ADAT1: variants seen among roughly 807,000 people sequenced by gnomAD.
The protein encoded by ADAT1 is adenosine deaminase tRNA specific 1.
Under a neutral mutation model 58.6 loss-of-function variants are expected in ADAT1, and 58 were observed. The observed-to-expected ratio is 0.99, with a 90% confidence interval of 0.80 to 1.23. The LOEUF (loss-of-function observed/expected upper bound fraction) is 1.23. Ranked by LOEUF, ADAT1 falls within the 50% of genes most tolerant of loss-of-function variation. The pLI is 0.00. For synonymous variants in ADAT1, 254 were observed against 220.8 expected, an observed-to-expected ratio of 1.15 and a Z score of -1.33; for missense variants, 741 against 608.6, an observed-to-expected ratio of 1.22 and a Z score of -2.29.
At chr16:75,607,632 G>A (rs1254214300) in intron 8 of ADAT1, among the ~76,000 whole-genome samples, 3 of 152,146 alleles carry the variant, frequency 2.0e-5, no homozygotes, top group African/African-American at 4.8e-5. Context: ...TTGGTAGAAC[G>A]TAAAATGGTA....
chr16:75,605,128 T>C (rs2081334886), intron 8 of ADAT1, among the ~76,000 whole-genome samples: 1 of 152,216 alleles, frequency 6.6e-6, no homozygotes, highest in African/African-American at 2.4e-5. Context: ...TCTCATTCTG[T>C]GGCCCAGGCT....
chr16:75,599,045 T>C lies in ADAT1; in HGVS notation c.*1171A>G. ...AAACAGGATTGGCTGCTGGGTCTAT[T>C]GCTGATTTGCTGCAGGGCCTTTTGG... On this transcript the variant is annotated 3_prime_UTR_variant, in exon 10 of 10. Transcript: ENST00000564657. 1.0e-6 allele frequency: 1 copy of C among 985,156 alleles called. No homozygotes were observed. 61.0% of individuals were successfully genotyped at this position (985,156 alleles called of 1,614,324 possible). A position where few individuals can be genotyped will look rare whatever the true frequency, so the allele number is the denominator to read the frequency against.
chr16:75,608,391 A>G (rs958273220), intron 7 of ADAT1, 68 bp from the exon 8 acceptor site: 48 of 1,350,132 alleles, frequency 3.6e-5, no homozygotes, highest in Admixed American at 1.7e-5. Context: ...GTATTTTAAT[A>G]AAAATATTTC....
Position 75,599,885 on chromosome 16 carries a change from T to C in ADAT1, c.*331A>G, listed in dbSNP as rs2081178009. 9.7e-7 allele frequency: 1 copy of C among 1,032,952 alleles called. No homozygotes were observed. The highest frequency in any genetic ancestry group is 1.2e-6 in the Non-Finnish European group (1 of 860,702). 64.0% of individuals were successfully genotyped at this position (1,032,952 alleles called of 1,614,324 possible). A position where few individuals can be genotyped will look rare whatever the true frequency, so the allele number is the denominator to read the frequency against. On this transcript the variant is annotated 3_prime_UTR_variant, in exon 10 of 10. Coordinates refer to ENST00000564657, the MANE Select transcript of ADAT1 (RefSeq NM_001324445.2). ...TCATTTCAGCTCAATAAATATTTGC[T>C]GAATCAATGTAGGAACCCATAAAAC...
intron 7 of ADAT1, 79 bp from the exon 8 acceptor site, chr16:75,608,402 T>C: frequency 7.8e-7 from 1 of 1,276,022 alleles, no homozygotes; most frequent in African/African-American, 1.5e-5. Flanking sequence ...AAAATATTTC[T>C]CTGACTCTAC....
intron 9 of ADAT1, 35 bp downstream of exon 9, chr16:75,603,050 C>T: frequency 6.3e-7 from 1 of 1,591,072 alleles, no homozygotes; most frequent in Non-Finnish European, 8.6e-7. Context: ...CAGTTGTCTA[C>T]CTAAATATGA....
In ADAT1 at chr16:75,620,809, T is replaced by C. The variant is rs779255280; in HGVS notation, c.-10A>G. ...CATCCGCGGTCCACATGGTCTGAGC[T>C]GGTATTGAGACCTTGATCAAAAACC... On this transcript the variant is annotated 5_prime_UTR_variant, in exon 2 of 10. Coordinates refer to ENST00000564657, the MANE Select transcript of ADAT1 (RefSeq NM_001324445.2). 2.5e-6 allele frequency: 4 copies of C among 1,603,022 alleles called. No homozygotes were observed. In the East Asian group the frequency reaches 9.0e-5, roughly 36 times the overall value.
intron 2 of ADAT1, 148 bp downstream of exon 2, chr16:75,620,483 A>G: frequency 1.4e-6 from 2 of 1,384,572 alleles, no homozygotes; most frequent in Non-Finnish European, 2.0e-6. Context: ...TCCCGCCATC[A>G]GAGGTACTGC....
chr16:75,611,311 A>G (rs1349279121), intron 6 of ADAT1, among the ~76,000 whole-genome samples: 1 of 152,198 alleles, frequency 6.6e-6, no homozygotes, highest in Admixed American at 6.5e-5. Context: ...GTGTGGATGT[A>G]CTTTAAGACC....
Position 75,597,272 on chromosome 16 carries a change from G to T in ADAT1, c.*2944C>A. On this transcript the variant is annotated 3_prime_UTR_variant, in exon 10 of 10. Coordinates refer to ENST00000564657, the MANE Select transcript of ADAT1 (RefSeq NM_001324445.2). Reference sequence around the variant, plus strand: ...GGTCCTTATAAGTAGGCCATGGAAAGACACAGACACAGGGAAGAAGGCCAT... The same window carrying T: ...GGTCCTTATAAGTAGGCCATGGAAATACACAGACACAGGGAAGAAGGCCAT... 2.7e-6 allele frequency: 1 copy of T among 371,502 alleles called. No homozygotes were observed. Among genetic ancestry groups the T allele is most frequent in the Non-Finnish European group, 5.4e-6 (1 of 185,806 alleles). 23.0% of individuals were successfully genotyped at this position (371,502 alleles called of 1,614,324 possible). A position where few individuals can be genotyped will look rare whatever the true frequency, so the allele number is the denominator to read the frequency against.
chr16:75,617,068 A>C, intron 5 of ADAT1, 74 bp downstream of exon 5: 760 of 1,502,598 alleles, frequency 5.1e-4, no homozygotes, highest in Non-Finnish European at 6.2e-4. Context: ...TTTAGGAAAA[A>C]ACCTACCTAT....
In ADAT1 at chr16:75,600,326, G is replaced by A; in HGVS notation, c.1399C>T (p.Gln467Ter). Residue 467 changes from glutamine to a stop codon, truncating the protein, a stop_gained, in exon 10 of 10, where the codon CAG (glutamine) becomes TAG (stop). Transcript: ENST00000564657. LOFTEE classifies it high-confidence loss of function. ...SLRVQKLDTY[Q>*]EYKEAASSYQ... Reference sequence around the variant, plus strand: ...GAGGACGCAGCCTCCTTGTACTCCTGGTAGGTATCCAGCTTCTGCACCCTA... The same window carrying A: ...GAGGACGCAGCCTCCTTGTACTCCTAGTAGGTATCCAGCTTCTGCACCCTA... 1 of 1,613,874 alleles carries A rather than the reference G, an allele frequency of 6.2e-7. No individual in the cohort carries two copies. The highest frequency in any genetic ancestry group is 8.5e-7 in the Non-Finnish European group (1 of 1,179,998).
intron 1 of ADAT1, among the ~76,000 whole-genome samples, chr16:75,621,556 G>C (rs1208147678): frequency 6.6e-6 from 1 of 152,122 alleles, no homozygotes; most frequent in Non-Finnish European, 1.5e-5. Flanking sequence ...GTTACTGTGA[G>C]GGTTAAATAA....
chr16:75,604,960 C>A (rs1402751034), intron 8 of ADAT1, among the ~76,000 whole-genome samples: 1 of 152,176 alleles, frequency 6.6e-6, no homozygotes, highest in African/African-American at 2.4e-5. Flanking sequence ...CTGCAACTAG[C>A]AAGACCAAAC....
chr16:75,615,293 G>GT (rs147257438), intron 5 of ADAT1, among the ~76,000 whole-genome samples: 14,042 of 150,974 alleles, frequency 0.093, 702 homozygotes, highest in African/African-American at 0.11. Context: ...AGCTTTCTTG[G>GT]TTTTTTTCAG....
chr16:75,622,200 G>A (rs1394708583), intron 1 of ADAT1, among the ~76,000 whole-genome samples: 3 of 152,188 alleles, frequency 2.0e-5, no homozygotes, highest in Admixed American at 1.3e-4. Context: ...GCTTTTGAAA[G>A]ATGGTATTGT....
chr16:75,616,223 G>T (rs913468496), intron 5 of ADAT1, among the ~76,000 whole-genome samples: 2 of 152,104 alleles, frequency 1.3e-5, no homozygotes, highest in Admixed American at 1.3e-4. Context: ...GGTCAGGCTG[G>T]TCTGGAACTC....
chr16:75,612,142 T>C (rs1278584438), intron 6 of ADAT1, 101 bp downstream of exon 6: 3 of 1,287,570 alleles, frequency 2.3e-6, no homozygotes, highest in African/African-American at 1.5e-5. Flanking sequence ...GAAGTGGAAC[T>C]GCTGGATCAA....
At chr16:75,615,334 T>C (rs938501644) in intron 5 of ADAT1, among the ~76,000 whole-genome samples, 1 of 151,842 alleles carries the variant, frequency 6.6e-6, no homozygotes, top group Non-Finnish European at 1.5e-5. Context: ...TACCTGTTTG[T>C]TGACCACTGA....
Sources: gnomAD v4.1 joint callset for allele counts (sites outside exome capture counted in the v4.1 genomes callset) on GRCh38, gnomAD v4.1.1 for gene constraint, MANE v1.5 for transcripts, NCBI Gene and HGNC (gene_info 2026-07-23, HGNC 2026-07-21) for gene names.